The following TMEM123 variants were observed in gnomAD, a reference collection of about 807,000 sequenced individuals.
The protein encoded by TMEM123 is transmembrane protein 123.
In TMEM123, 16 loss-of-function variants were observed where a neutral mutation model predicts 19.7. The ratio of observed to expected loss-of-function variants is 0.81; its 90% CI spans 0.55 to 1.23. The LOEUF is 1.23. Among genes scored for constraint, TMEM123 ranks in the 50% most tolerant of loss-of-function variants. The probability of loss-of-function intolerance (pLI) is 0.00; values close to 1 mark genes in which losing one functional copy is unlikely to be tolerated. For synonymous variants in TMEM123, 118 were observed against 99.4 expected (o/e 1.19, Z -1.12); for missense variants, 313 against 257.8 (o/e 1.21, Z -1.47).
At position 102,401,699 on chromosome 11, in the gene TMEM123, C is replaced by G. The variant is rs770394533; in HGVS notation, c.449-7G>C. The G allele has an allele frequency of 1.9e-6, 3 of 1,564,362 alleles. No homozygotes were observed. Among genetic ancestry groups the G allele is most frequent in the East Asian group, 2.2e-5 (1 of 44,462 alleles). On this transcript the variant is annotated splice_polypyrimidine_tract_variant and splice_region_variant and intron_variant, in intron 3 of 4. Coordinates refer to ENST00000398136, the MANE Select transcript of TMEM123 (RefSeq NM_052932.3). ...GAATGCATAGTTGTTGTGACTAGAA[C>G]AAAAGAAAACAAAAAAGGGCTTTAG... is the stretch of plus-strand genomic sequence containing the variant.
intron 2 of TMEM123, among the ~76,000 whole-genome samples, chr11:102,437,103 G>C (rs1016618684): frequency 5.9e-5 from 9 of 152,094 alleles, no homozygotes; most frequent in African/African-American, 1.9e-4. Flanking sequence ...TTGCTGTTGT[G>C]CACTTCGTTT....
intron 2 of TMEM123, among the ~76,000 whole-genome samples, chr11:102,446,061 T>C (rs139317458): frequency 3.3e-4 from 51 of 152,342 alleles, no homozygotes; most frequent in African/African-American, 1.2e-3. Flanking sequence ...GTATCAATGC[T>C]ATGTGATCAA....
intron 1 of TMEM123, among the ~76,000 whole-genome samples, chr11:102,450,325 C>A (rs1028293553): frequency 6.6e-6 from 1 of 152,178 alleles, no homozygotes; most frequent in Non-Finnish European, 1.5e-5. Context: ...CAAAAAAGTC[C>A]CTTCTTTCCA....
At chr11:102,423,718 C>T (rs1175870905) in intron 2 of TMEM123, among the ~76,000 whole-genome samples, 2 of 152,204 alleles carry the variant, frequency 1.3e-5, no homozygotes, top group African/African-American at 4.8e-5. Flanking sequence ...ATCAGTAATT[C>T]ATAGTTCAGT....
chr11:102,430,971 A>C (rs1315996473), intron 2 of TMEM123, among the ~76,000 whole-genome samples: 2 of 152,218 alleles, frequency 1.3e-5, no homozygotes. Flanking sequence ...GTGGGGTGAA[A>C]AAAGTAGTCA....
chr11:102,452,498 G>C, intron 1 of TMEM123, 26 bp downstream of exon 1: 1 of 1,491,662 alleles, frequency 6.7e-7, no homozygotes, highest in Non-Finnish European at 8.9e-7. Flanking sequence ...CCACGAACGG[G>C]GCTGACGACC....
In TMEM123 at chr11:102,397,298, T is replaced by C. The variant is rs1951865697; in HGVS notation, c.*1569A>G. 1 of 152,200 alleles carries C rather than the reference T, an allele frequency of 6.6e-6. No individual in the cohort carries two copies. The allele number at this position is 152,200 out of a possible 1,614,324, so 9.4% of individuals were successfully genotyped here. On this transcript the variant is annotated 3_prime_UTR_variant, in exon 5 of 5. Transcript: ENST00000398136. ...TGTAAAACAAAAGCTGACAACAGTT[T>C]TATTGTACTCCTATTAAATGTAGGT...
At chr11:102,409,657 C>T (rs1951986159) in intron 2 of TMEM123, among the ~76,000 whole-genome samples, 1 of 152,052 alleles carries the variant, frequency 6.6e-6, no homozygotes, top group Non-Finnish European at 1.5e-5. Flanking sequence ...GGCAGATCAC[C>T]CGAGTCAGGA....
At chr11:102,439,368 C>G (rs1565355483) in intron 2 of TMEM123, among the ~76,000 whole-genome samples, 1 of 151,724 alleles carries the variant, frequency 6.6e-6, no homozygotes, top group Non-Finnish European at 1.5e-5. Flanking sequence ...GATCAGGCAG[C>G]AACATTTGCT....
At chr11:102,410,880 C>T (rs1228631687) in intron 2 of TMEM123, among the ~76,000 whole-genome samples, 2 of 152,198 alleles carry the variant, frequency 1.3e-5, no homozygotes, top group Non-Finnish European at 2.9e-5. Context: ...CCTCCTCAGG[C>T]AATTTCCTTT....
chr11:102,444,485 C>A (rs541882827), intron 2 of TMEM123, among the ~76,000 whole-genome samples: 12 of 146,302 alleles, frequency 8.2e-5, no homozygotes, highest in African/African-American at 3.0e-4. Flanking sequence ...TAGGTGGGAA[C>A]TGAACAATGA....
intron 2 of TMEM123, among the ~76,000 whole-genome samples, chr11:102,419,477 G>A (rs1952067002): frequency 6.6e-6 from 1 of 152,182 alleles, no homozygotes; most frequent in Non-Finnish European, 1.5e-5. Context: ...ATCACCAAGA[G>A]AACTAGAAAG....
intron 1 of TMEM123, among the ~76,000 whole-genome samples, chr11:102,451,624 T>A (rs527775324): frequency 6.6e-6 from 1 of 152,346 alleles, no homozygotes; most frequent in African/African-American, 2.4e-5. Context: ...TACTGACCAT[T>A]ACCTAGGGAC....
intron 2 of TMEM123, among the ~76,000 whole-genome samples, chr11:102,423,550 A>C (rs534426514): frequency 2.0e-5 from 3 of 152,318 alleles, no homozygotes; most frequent in East Asian, 3.9e-4. Context: ...ATCCCCAGTT[A>C]AGCCTTCATG....
intron 2 of TMEM123, among the ~76,000 whole-genome samples, chr11:102,406,322 C>G (rs1447025235): frequency 1.3e-5 from 2 of 152,142 alleles, no homozygotes; most frequent in African/African-American, 4.8e-5. Context: ...CCACCTTACA[C>G]CAGCCTGGGA....
intron 2 of TMEM123, among the ~76,000 whole-genome samples, chr11:102,438,550 A>G (rs1245396713): frequency 6.6e-6 from 1 of 152,240 alleles, no homozygotes; most frequent in African/African-American, 2.4e-5. Context: ...AAGTGAGCAT[A>G]ATATTGCATT....
At position 102,398,848 on chromosome 11, in the gene TMEM123, C is replaced by G. The variant is rs1178718019; in HGVS notation, c.*19G>C. ...AGGGCAGCATCAATCTGTATTCCAT[C>G]CTTGGTCCATGGATTTCCTTAAATG... is the stretch of plus-strand genomic sequence containing the variant. On this transcript the variant is annotated 3_prime_UTR_variant, in exon 5 of 5. Coordinates refer to ENST00000398136, the MANE Select transcript of TMEM123 (RefSeq NM_052932.3). 1 of 1,610,532 alleles carries G rather than the reference C, an allele frequency of 6.2e-7. No individual in the cohort carries two copies. Among genetic ancestry groups the G allele is most frequent in the Non-Finnish European group, 8.5e-7 (1 of 1,178,738 alleles).
intron 2 of TMEM123, among the ~76,000 whole-genome samples, chr11:102,430,223 T>C (rs1267997119): frequency 1.3e-5 from 2 of 152,196 alleles, no homozygotes; most frequent in African/African-American, 4.8e-5. Flanking sequence ...AGGGGCTCCA[T>C]CTCACAACTA....
At chr11:102,446,795 G>A (rs187676735) in intron 2 of TMEM123, among the ~76,000 whole-genome samples, 4 of 152,258 alleles carry the variant, frequency 2.6e-5, no homozygotes, top group Admixed American at 2.0e-4. Flanking sequence ...AGTACTGCAG[G>A]CAGTCTCCGC....
Sources: allele counts gnomAD v4.1 joint callset (sites outside exome capture counted in the v4.1 genomes callset), GRCh38; gene constraint gnomAD v4.1.1; transcripts MANE v1.5; gene names NCBI Gene and HGNC (gene_info 2026-07-23, HGNC 2026-07-21).